The following TANGO6 variants were observed in gnomAD, a reference collection of about 807,000 sequenced individuals.
TANGO6 encodes transport and Golgi organization protein 6 homolog.
TANGO6 carries 90 observed loss-of-function variants against 114.2 expected under a neutral mutation model. That is an observed-to-expected ratio of 0.79 (90% CI 0.66 to 0.94). The LOEUF is 0.94. Ranked by LOEUF, TANGO6 falls within the 40% of genes least tolerant of loss-of-function variation. TANGO6 has a pLI of 0.00. For missense variants in TANGO6, 1,274 were observed against 1,315.3 expected, an observed-to-expected ratio of 0.97 and a Z score of 0.49; for synonymous variants, 477 against 509.8, an observed-to-expected ratio of 0.94 and a Z score of 0.87.
At chr16:68,880,147 T>C (rs968701835) in intron 6 of TANGO6, among the ~76,000 whole-genome samples, 6 of 151,774 alleles carry the variant, frequency 4.0e-5, no homozygotes, top group Non-Finnish European at 8.8e-5. Flanking sequence ...TAACTTCTTA[T>C]ATTTTTAGTA....
At chr16:68,987,754 C>T (rs550467442) in intron 15 of TANGO6, among the ~76,000 whole-genome samples, 93 of 152,228 alleles carry the variant, frequency 6.1e-4, no homozygotes, top group African/African-American at 2.2e-3. Flanking sequence ...TGTCTTTTGT[C>T]AAGTAAAGAA....
At chr16:68,851,341 G>A (rs1014705136) in intron 1 of TANGO6, among the ~76,000 whole-genome samples, 1 of 151,926 alleles carries the variant, frequency 6.6e-6, no homozygotes, top group Non-Finnish European at 1.5e-5. Flanking sequence ...TTTATTTTTA[G>A]TAGAGACAGG....
intron 2 of TANGO6, among the ~76,000 whole-genome samples, chr16:68,862,271 G>A (rs1962104453): frequency 6.6e-6 from 1 of 152,098 alleles, no homozygotes; most frequent in African/African-American, 2.4e-5. Flanking sequence ...CTGGAGTGCA[G>A]TGGTGCAATC....
In TANGO6 at chr16:68,961,269, G is replaced by C. The variant is rs568214186; in HGVS notation, c.2702-12759G>C. Among the ~76,000 whole-genome samples the C allele has an allele frequency of 4.3e-4, 66 of 152,186 alleles. 1 individual carries two copies. Among genetic ancestry groups the C allele is most frequent in the African/African-American group, 1.5e-3 (61 of 41,458 alleles). On this transcript the variant is annotated intron_variant, in intron 14 of 17. Coordinates refer to ENST00000261778, the MANE Select transcript of TANGO6 (RefSeq NM_024562.2). ...GGATTTGCAAAGCTAGTATGATTCC[G>C]GTAGTTATTTTCTCCGAGGCACTGC...
At chr16:68,881,813 T>G (rs1449611942) in intron 7 of TANGO6, among the ~76,000 whole-genome samples, 1 of 152,144 alleles carries the variant, frequency 6.6e-6, no homozygotes, top group African/African-American at 2.4e-5. Flanking sequence ...ATGAAATTCA[T>G]TGTGTTATGG....
At chr16:68,848,070 TTGTTTCTCTCTCTCTCTC>T (rs917202343) in intron 1 of TANGO6, among the ~76,000 whole-genome samples, 7 of 151,936 alleles carry the variant, frequency 4.6e-5, no homozygotes, top group East Asian at 1.9e-4. Context: ...AAGGATGTTA[TTGTTTCTCTCTCTCTCTC>T]TGTTTCTCTC....
intron 1 of TANGO6, among the ~76,000 whole-genome samples, chr16:68,849,339 A>G (rs1961865393): frequency 6.6e-6 from 1 of 152,002 alleles, no homozygotes; most frequent in Admixed American, 6.6e-5. Context: ...GTCCCAAAAA[A>G]AAAGAAATTA....
intron 17 of TANGO6, among the ~76,000 whole-genome samples, chr16:69,072,384 C>G (rs1158777662): frequency 4.6e-5 from 7 of 152,084 alleles, no homozygotes; most frequent in Admixed American, 4.6e-4. Context: ...GCCCTGGAGT[C>G]CTTGGGCCTG....
chr16:69,004,500 C>T (rs149049675), intron 15 of TANGO6, among the ~76,000 whole-genome samples: 64 of 152,142 alleles, frequency 4.2e-4, no homozygotes, highest in African/African-American at 1.2e-3. Flanking sequence ...GGATTATAGA[C>T]GCTTGCCACC....
At chr16:69,043,086 TGTG>T (rs758990620) in intron 17 of TANGO6, among the ~76,000 whole-genome samples, 21 of 151,840 alleles carry the variant, frequency 1.4e-4, no homozygotes, top group Non-Finnish European at 2.6e-4. Context: ...AGTAGCCAGG[TGTG>T]GTGGCATCTG....
At chr16:68,995,949 G>A (rs1963985678) in intron 15 of TANGO6, among the ~76,000 whole-genome samples, 1 of 152,154 alleles carries the variant, frequency 6.6e-6, no homozygotes, top group Admixed American at 6.5e-5. Flanking sequence ...TTCTTGTGAG[G>A]TTCAAACAAG....
At chr16:68,899,928 G>C (rs1382334836) in intron 7 of TANGO6, among the ~76,000 whole-genome samples, 1 of 152,096 alleles carries the variant, frequency 6.6e-6, no homozygotes, top group Non-Finnish European at 1.5e-5. Flanking sequence ...AACATTTATA[G>C]AATTAGGGAG....
intron 14 of TANGO6, among the ~76,000 whole-genome samples, chr16:68,945,572 G>A (rs993051286): frequency 6.6e-6 from 1 of 152,174 alleles, no homozygotes; most frequent in East Asian, 1.9e-4. Context: ...GTGTGAAGGG[G>A]TATCTCATTG....
chr16:68,850,586 GT>G (rs1961885955), intron 1 of TANGO6, among the ~76,000 whole-genome samples: 1 of 152,098 alleles, frequency 6.6e-6, no homozygotes, highest in South Asian at 2.1e-4. Flanking sequence ...TTTCTGTGTG[GT>G]TATGCTGCTA....
chr16:69,044,367 G>A (rs1959818597), intron 17 of TANGO6, among the ~76,000 whole-genome samples: 1 of 152,162 alleles, frequency 6.6e-6, no homozygotes, highest in Admixed American at 6.6e-5. Context: ...CGGGTGCGGT[G>A]ACTCACGCCT....
chr16:68,855,240 A>C (rs1275176506), intron 1 of TANGO6, among the ~76,000 whole-genome samples: 1 of 151,938 alleles, frequency 6.6e-6, no homozygotes, highest in African/African-American at 2.4e-5. Flanking sequence ...TTTCTCAGCA[A>C]GTTTTCAGTG....
intron 16 of TANGO6, among the ~76,000 whole-genome samples, chr16:69,032,470 G>A (rs993665649): frequency 4.6e-5 from 7 of 151,808 alleles, no homozygotes; most frequent in Non-Finnish European, 8.8e-5. Context: ...ATTTCACCAT[G>A]TTGCTCAGGC....
At chr16:68,924,665 C>T (rs1483220999) in intron 12 of TANGO6, among the ~76,000 whole-genome samples, 1 of 150,580 alleles carries the variant, frequency 6.6e-6, no homozygotes, top group Admixed American at 6.6e-5. Flanking sequence ...TGGCGGGCAC[C>T]TGTCATCCCA....
intron 4 of TANGO6, among the ~76,000 whole-genome samples, chr16:68,873,694 A>G (rs867809901): frequency 6.6e-6 from 1 of 152,202 alleles, no homozygotes; most frequent in South Asian, 2.1e-4. Context: ...ATAATTCCTC[A>G]TGTGGATATG....
Sources: allele counts gnomAD v4.1 joint callset (sites outside exome capture counted in the v4.1 genomes callset), GRCh38; gene constraint gnomAD v4.1.1; transcripts MANE v1.5; gene names NCBI Gene and HGNC (gene_info 2026-07-23, HGNC 2026-07-21).